Variants in NUMB observed in about 807,000 individuals in gnomAD.
NUMB encodes the protein NUMB endocytic adaptor protein, also known as protein numb homolog.
NUMB carries 29 observed loss-of-function variants against 59.7 expected under a neutral mutation model. That is an observed-to-expected ratio of 0.49 (90% CI 0.36 to 0.66). The LOEUF (loss-of-function observed/expected upper bound fraction) is 0.66. NUMB is among the 30% of genes least tolerant of loss of function. The pLI, the probability that NUMB is intolerant of heterozygous loss-of-function variation, is 0.00. For missense variants in NUMB, 723 were observed against 822.0 expected, an observed-to-expected ratio of 0.88 and a Z score of 1.47; for synonymous variants, 288 against 288.2, an observed-to-expected ratio of 1.00 and a Z score of 0.01.
At chr14:73,307,348 T>C in intron 6 of NUMB, among the ~76,000 whole-genome samples, 1 of 150,230 alleles carries the variant, frequency 6.7e-6, no homozygotes, top group Non-Finnish European at 1.5e-5. Flanking sequence ...TGGGAGTGTG[T>C]GTGTGTCTGG....
At chr14:73,380,739 T>C in intron 2 of NUMB, among the ~76,000 whole-genome samples, 1 of 151,450 alleles carries the variant, frequency 6.6e-6, no homozygotes, top group East Asian at 1.9e-4. Flanking sequence ...TTTTTTTTTT[T>C]TTTGAGACAG....
chr14:73,428,574 T>C lies in NUMB; in HGVS notation c.-232-18506A>G, dbSNP rs143693261. Reference sequence around the variant, plus strand: ...TTTAGAAGGCAGACGTCAGGGGATCTCTTGAAGCCAGGAGTTCAACCAGCC... The same window carrying C: ...TTTAGAAGGCAGACGTCAGGGGATCCCTTGAAGCCAGGAGTTCAACCAGCC... On this transcript the variant is annotated intron_variant, in intron 1 of 12. Transcript: ENST00000555238. Among the ~76,000 whole-genome samples the C allele has an allele frequency of 4.1e-3, 625 of 152,258 alleles. 12 individuals are homozygous for C. The highest frequency in any genetic ancestry group is 0.014 in the African/African-American group (600 of 41,552).
At chr14:73,420,991 C>A (rs551902119) in intron 1 of NUMB, among the ~76,000 whole-genome samples, 125 of 152,190 alleles carry the variant, frequency 8.2e-4, no homozygotes, top group African/African-American at 2.7e-3. Context: ...GAAAAAAAAT[C>A]TATCTTTAGA....
chr14:73,386,835 AAAATAATACAAGAC>A (rs1218833367), intron 2 of NUMB, among the ~76,000 whole-genome samples: 1 of 151,332 alleles, frequency 6.6e-6, no homozygotes, highest in South Asian at 2.1e-4. Flanking sequence ...AGGCAAAGGA[AAAATAATACAAGAC>A]AATCTATCAG....
At chr14:73,400,328 T>C (rs1896351914) in intron 2 of NUMB, among the ~76,000 whole-genome samples, 1 of 152,212 alleles carries the variant, frequency 6.6e-6, no homozygotes, top group Non-Finnish European at 1.5e-5. Context: ...AAACCTATTT[T>C]GCATGATACT....
chr14:73,284,285 C>T lies in NUMB; in HGVS notation c.745G>A (p.Ala249Thr), dbSNP rs1382823344. 1.2e-6 allele frequency: 2 copies of T among 1,614,040 alleles called. No homozygotes were observed. The highest frequency in any genetic ancestry group is 1.7e-5 in the Admixed American group (1 of 60,002). ...TTGTTCATCTCCAGAGAGGTCGTGG[C>T]ATCAGAAGTAGGAGAGGTGGGAGAG... The part of the protein sequence containing the change: ...PSSPTSPTSD[A>T]TTSLEMNNPH... Residue 249 changes from alanine to threonine, a missense_variant, in exon 10 of 13, where the codon GCC (alanine) becomes ACC (threonine). Ala to Thr is a moderately conservative substitution (Grantham distance 58). Around this residue, in one of 2 missense-constraint regions of NUMB, gnomAD observed 317 missense variants for 436.6 expected, o/e 0.73. Transcript: ENST00000555238.
rs58758952 is a variant in NUMB at position 73,352,505 on chromosome 14, T to C, written c.126+3121A>G. ...ATATATATATATATATATATATATATATATATATATATATATATATATATG... is the reference window on the plus strand; with the variant it reads ...ATATATATATATATATATATATATACATATATATATATATATATATATATG... On this transcript the variant is annotated intron_variant, in intron 4 of 12. Transcript: ENST00000555238. Among the ~76,000 whole-genome samples, 35 of 15,154 alleles carry C rather than the reference T, an allele frequency of 2.3e-3. 1 individual carries two copies. The highest frequency in any genetic ancestry group is 8.0e-3 in the African/African-American group (16 of 1,992). The allele number at this position is 15,154 out of a possible 152,430, so 9.9% of individuals were successfully genotyped here.
At chr14:73,376,576 G>A (rs1285862458) in intron 2 of NUMB, among the ~76,000 whole-genome samples, 2 of 150,758 alleles carry the variant, frequency 1.3e-5, no homozygotes, top group East Asian at 3.9e-4. Context: ...ATAAAGAGAA[G>A]CAAAAGACCC....
At chr14:73,311,244 C>T (rs535553762) in intron 6 of NUMB, among the ~76,000 whole-genome samples, 62 of 152,098 alleles carry the variant, frequency 4.1e-4, no homozygotes, top group African/African-American at 1.5e-3. Flanking sequence ...TTAGTAGAGA[C>T]GGGGTTTCAC....
At position 73,354,865 on chromosome 14, in the gene NUMB, G is replaced by GA. The variant is rs1893697378; in HGVS notation, c.126+760dup. The stretch of plus-strand genomic sequence containing the variant: ...GAATATATAGTAAATAGTAAATAGA[G>GA]AAAAAAATTAACATTTTATATCAAA... On this transcript the variant is annotated intron_variant, in intron 4 of 12. Transcript: ENST00000555238. Among the ~76,000 whole-genome samples, 3 of 121,426 alleles carry GA rather than the reference G, an allele frequency of 2.5e-5. 1 individual carries two copies. In the South Asian group the frequency reaches 7.9e-4, roughly 32 times the overall value. The allele number at this position is 121,426 out of a possible 152,430, so 79.7% of individuals were successfully genotyped here.
intron 1 of NUMB, among the ~76,000 whole-genome samples, chr14:73,414,215 C>T (rs889727836): frequency 1.3e-5 from 2 of 152,082 alleles, no homozygotes; most frequent in East Asian, 1.9e-4. Flanking sequence ...CTCAGCCTCC[C>T]GAAGTGCTGG....
intron 1 of NUMB, among the ~76,000 whole-genome samples, chr14:73,451,276 A>C (rs1341386945): frequency 6.6e-6 from 1 of 151,716 alleles, no homozygotes; most frequent in East Asian, 1.9e-4. Context: ...TCTCTACTAA[A>C]AATACAAAAA....
chr14:73,424,552 TATAAC>T (rs1298337810), intron 1 of NUMB, among the ~76,000 whole-genome samples: 7 of 152,288 alleles, frequency 4.6e-5, no homozygotes, highest in African/African-American at 1.7e-4. Context: ...CACAGTAGTT[TATAAC>T]ATAAGACAAA....
chr14:73,421,147 G>A (rs1049510991), intron 1 of NUMB, among the ~76,000 whole-genome samples: 1 of 151,976 alleles, frequency 6.6e-6, no homozygotes, highest in African/African-American at 2.4e-5. Context: ...AGTAATACAA[G>A]AGAAAGAAAA....
At chr14:73,329,665 C>A (rs926672763) in intron 4 of NUMB, among the ~76,000 whole-genome samples, 7 of 152,230 alleles carry the variant, frequency 4.6e-5, no homozygotes. Context: ...TGACTACTCT[C>A]TTTGAACTTC....
intron 2 of NUMB, among the ~76,000 whole-genome samples, chr14:73,389,027 A>G (rs1325650574): frequency 6.8e-6 from 1 of 147,342 alleles, no homozygotes; most frequent in Non-Finnish European, 1.5e-5. Flanking sequence ...TGAGCCCGGG[A>G]GGCGGAGCTT....
intron 3 of NUMB, among the ~76,000 whole-genome samples, chr14:73,364,800 TTTTA>T (rs1179209286): frequency 6.6e-6 from 1 of 152,034 alleles, no homozygotes; most frequent in East Asian, 1.9e-4. Context: ...CCTGCCTAGT[TTTTA>T]TTTATTTATT....
At chr14:73,452,827 A>G (rs1013081458) in intron 1 of NUMB, among the ~76,000 whole-genome samples, 2 of 152,302 alleles carry the variant, frequency 1.3e-5, no homozygotes, top group South Asian at 4.1e-4. Flanking sequence ...TTCTCAGTCT[A>G]CTTACTTGTC....
intron 1 of NUMB, among the ~76,000 whole-genome samples, chr14:73,445,354 C>CAAAAAAAAAAAAAAAAAAAAAAAA (rs752154048): frequency 1.7e-5 from 1 of 57,578 alleles, no homozygotes; most frequent in Non-Finnish European, 3.3e-5. Context: ...GACCCTGTCT[C>CAAAAAAAAAAAAAAAAAAAAAAAA]AAAAAAAAAA....
Sources: allele counts gnomAD v4.1 joint callset (sites outside exome capture counted in the v4.1 genomes callset), GRCh38; gene constraint gnomAD v4.1.1; regional missense constraint gnomAD v4.1.1; transcripts MANE v1.5; gene names NCBI Gene and HGNC (gene_info 2026-07-23, HGNC 2026-07-21).